SYT16: variants seen among roughly 807,000 people sequenced by gnomAD.
The protein encoded by SYT16 is synaptotagmin-16.
Under a neutral mutation model 61.4 loss-of-function variants are expected in SYT16, and 42 were observed. The observed-to-expected ratio is 0.68, with a 90% CI of 0.53 to 0.89. The LOEUF (loss-of-function observed/expected upper bound fraction) is 0.89, where lower values mean the gene tolerates loss of function less well. Among genes scored for constraint, SYT16 ranks in the 40% least tolerant of loss-of-function variants. SYT16 has a pLI of 0.00. For missense variants in SYT16, 804 were observed against 807.3 expected (o/e 1.00, Z 0.05); for synonymous variants, 314 against 302.3 (o/e 1.04, Z -0.40).
At chr14:61,950,729 A>G (rs1403636370) in intron 1 of SYT16, among the ~76,000 whole-genome samples, 1 of 152,202 alleles carries the variant, frequency 6.6e-6, no homozygotes, top group Non-Finnish European at 1.5e-5. Flanking sequence ...GTGGGAAAAT[A>G]ATAGCTTACT....
intron 3 of SYT16, among the ~76,000 whole-genome samples, chr14:62,006,483 A>G (rs559801341): frequency 2.6e-5 from 4 of 152,238 alleles, no homozygotes; most frequent in East Asian, 3.9e-4. Flanking sequence ...ATTTTTCTCC[A>G]CAATAGATTT....
intron 1 of SYT16, chr14:61,865,057 GC>G: frequency 7.1e-7 from 1 of 1,400,148 alleles, no homozygotes; most frequent in Non-Finnish European, 1.0e-6. Context: ...GGAGCTGCAG[GC>G]TCGACTGTGC....
intron 3 of SYT16, among the ~76,000 whole-genome samples, chr14:62,015,328 C>A (rs146973144): frequency 1.5e-4 from 23 of 152,180 alleles, no homozygotes; most frequent in African/African-American, 5.5e-4. Context: ...TAAACCTAAT[C>A]TTAGCTGTCA....
chr14:61,945,851 G>A lies in SYT16; in HGVS notation c.-324-24281G>A, dbSNP rs571679443. On this transcript the variant is annotated intron_variant, in intron 1 of 7. Transcript: ENST00000683842. ...AGCCTGGGCGACAGAGCGAGACTCC[G>A]TCTCAAAAAAAAAAAAAAAAAAAAA... 1.2e-4 allele frequency among the ~76,000 whole-genome samples: 11 copies of A among 89,684 alleles called. No individual in the cohort carries two copies. The South Asian group carries it at 3.0e-3, about 24-fold the overall frequency. 58.8% of individuals were successfully genotyped at this position (89,684 alleles called of 152,430 possible).
rs368479627 is a variant in SYT16 at position 62,084,254 on chromosome 14, C to T, written c.1493C>T (p.Thr498Met). 1.3e-5 allele frequency: 21 copies of T among 1,613,834 alleles called. No homozygotes were observed. The highest frequency in any genetic ancestry group is 1.1e-4 in the African/African-American group (8 of 74,928). ...AVSHSDSTSSTQSLSHGGAPE... is the reference protein window; with the variant it reads ...AVSHSDSTSSMQSLSHGGAPE... ...TCTCACAGTGATAGTACTTCATCCA[C>T]GCAGTCGCTGTCTCATGGAGGGGCG... The change falls in exon 7 of 8, where the codon ACG becomes ATG. Residue 498 changes from threonine (T) to methionine (M), a missense_variant. Physicochemically the swap from Thr to Met is moderately conservative, Grantham distance 81. Coordinates refer to ENST00000683842, the MANE Select transcript of SYT16 (RefSeq NM_001367656.1).
chr14:62,078,418 G>A (rs1023430272), intron 5 of SYT16, among the ~76,000 whole-genome samples: 2 of 152,058 alleles, frequency 1.3e-5, no homozygotes, highest in South Asian at 2.1e-4. Context: ...CTAAGCTTGA[G>A]TTTCGTCCTC....
intron 6 of SYT16, among the ~76,000 whole-genome samples, 164 bp downstream of exon 6, chr14:62,081,438 A>G (rs1056708959): frequency 2.6e-5 from 4 of 152,180 alleles, no homozygotes; most frequent in Admixed American, 6.5e-5. Flanking sequence ...TCATGGTACA[A>G]TGGGTCTTTC....
At chr14:62,088,897 A>G (rs1217996199) in intron 7 of SYT16, among the ~76,000 whole-genome samples, 4 of 152,106 alleles carry the variant, frequency 2.6e-5, no homozygotes, top group African/African-American at 9.7e-5. Flanking sequence ...AGCTGGGTCA[A>G]GTTGGTAAAA....
chr14:61,927,083 AC>A, intron 1 of SYT16, among the ~76,000 whole-genome samples: 1 of 152,164 alleles, frequency 6.6e-6, no homozygotes, highest in Admixed American at 6.5e-5. Context: ...ACATAACTTC[AC>A]TTTTTTAGTG....
At chr14:61,886,639 T>G (rs1001157631) in intron 1 of SYT16, among the ~76,000 whole-genome samples, 1 of 152,226 alleles carries the variant, frequency 6.6e-6, no homozygotes, top group Non-Finnish European at 1.5e-5. Context: ...ATTCCAGTTC[T>G]CGTGCTATTT....
intron 1 of SYT16, among the ~76,000 whole-genome samples, chr14:61,888,649 G>T (rs573282266): frequency 1.3e-5 from 2 of 152,138 alleles, no homozygotes; most frequent in South Asian, 4.1e-4. Flanking sequence ...TAATGTAAGG[G>T]TTTGAAATTA....
At chr14:61,933,913 G>GT (rs1469749499) in intron 1 of SYT16, among the ~76,000 whole-genome samples, 2 of 152,088 alleles carry the variant, frequency 1.3e-5, no homozygotes, top group East Asian at 3.8e-4. Flanking sequence ...CAAATTGTGT[G>GT]TATGTGTATA....
chr14:61,850,772 T>C (rs2046590845), intron 1 of SYT16, among the ~76,000 whole-genome samples: 1 of 152,230 alleles, frequency 6.6e-6, no homozygotes, highest in Non-Finnish European at 1.5e-5. Context: ...AATCAGAATG[T>C]TCTTCAGATT....
At chr14:62,011,830 T>A (rs2053461118) in intron 3 of SYT16, among the ~76,000 whole-genome samples, 1 of 149,144 alleles carries the variant, frequency 6.7e-6, no homozygotes, top group Admixed American at 6.7e-5. Context: ...TATTTCTCAG[T>A]GCTTATGGAC....
intron 2 of SYT16, among the ~76,000 whole-genome samples, chr14:61,974,208 TAGC>T (rs1433421291): frequency 1.3e-5 from 2 of 152,112 alleles, no homozygotes; most frequent in Non-Finnish European, 2.9e-5. Context: ...GCAGAGAAGA[TAGC>T]AGAGGAATGA....
chr14:62,059,548 T>C (rs544789529), intron 3 of SYT16, among the ~76,000 whole-genome samples: 1 of 151,926 alleles, frequency 6.6e-6, no homozygotes, highest in South Asian at 2.1e-4. Flanking sequence ...TTTTCTGGTA[T>C]GGTTAATGCT....
chr14:61,883,802 C>T (rs2047789227), intron 1 of SYT16, among the ~76,000 whole-genome samples: 1 of 152,184 alleles, frequency 6.6e-6, no homozygotes, highest in Non-Finnish European at 1.5e-5. Context: ...ACTCACAATT[C>T]CACATTGCTG....
At chr14:61,958,601 G>T (rs1333849029) in intron 1 of SYT16, among the ~76,000 whole-genome samples, 2 of 151,232 alleles carry the variant, frequency 1.3e-5, no homozygotes, top group African/African-American at 4.9e-5. Context: ...TTATTTCATT[G>T]TGACTGAAAA....
chr14:61,902,451 A>G (rs1295044504), intron 1 of SYT16, among the ~76,000 whole-genome samples: 1 of 152,222 alleles, frequency 6.6e-6, no homozygotes, highest in Non-Finnish European at 1.5e-5. Context: ...CTGTGTTCCC[A>G]TCATAGCTTG....
Sources: allele counts gnomAD v4.1 joint callset (sites outside exome capture counted in the v4.1 genomes callset), GRCh38; gene constraint gnomAD v4.1.1; transcripts MANE v1.5; gene names NCBI Gene and HGNC (gene_info 2026-07-23, HGNC 2026-07-21).